HCN1: variants seen among roughly 807,000 people sequenced by gnomAD.
HCN1 encodes hyperpolarization activated cyclic nucleotide gated potassium channel 1, also known as potassium/sodium hyperpolarization-activated cyclic nucleotide-gated channel 1.
HCN1 carries 13 observed loss-of-function variants against 78.9 expected under a neutral mutation model. That is an observed-to-expected ratio of 0.16 (90% CI 0.11 to 0.26). The LOEUF (loss-of-function observed/expected upper bound fraction) is 0.26. Among genes scored for constraint, HCN1 ranks in the 10% least tolerant of loss-of-function variants. The probability of loss-of-function intolerance (pLI) is 1.00; values close to 1 mark genes in which losing one functional copy is unlikely to be tolerated. For missense variants in HCN1, 810 were observed against 1,154.3 expected (o/e 0.70, Z 4.32); for synonymous variants, 552 against 455.5 (o/e 1.21, Z -2.70).
Position 45,289,195 on chromosome 5 carries a change from A to T in HCN1, c.1618+14404T>A, listed in dbSNP as rs10055044. ...AAAAATATGACTTAGAAACTGAAAG[A>T]TTTTTAAATTGCTTCCAAATGTATA... On this transcript the variant is annotated intron_variant, in intron 6 of 7. Coordinates refer to ENST00000303230, the MANE Select transcript of HCN1 (RefSeq NM_021072.4). Among the ~76,000 whole-genome samples the T allele has an allele frequency of 5.5e-3, 832 of 152,192 alleles. 9 individuals carry two copies. The highest frequency in any genetic ancestry group is 0.018 in the African/African-American group (748 of 41,542).
At chr5:45,350,282 T>C (rs977722661) in intron 5 of HCN1, among the ~76,000 whole-genome samples, 1 of 152,176 alleles carries the variant, frequency 6.6e-6, no homozygotes, top group Non-Finnish European at 1.5e-5. Flanking sequence ...ACTACATGAT[T>C]ATCTCAATAG....
intron 1 of HCN1, among the ~76,000 whole-genome samples, chr5:45,690,993 C>A (rs1374001202): frequency 6.6e-6 from 1 of 152,030 alleles, no homozygotes; most frequent in Admixed American, 6.6e-5. Flanking sequence ...ATACTAAATG[C>A]ATTCTGCTGG....
At chr5:45,283,884 G>A (rs142114725) in intron 6 of HCN1, among the ~76,000 whole-genome samples, 1,528 of 152,138 alleles carry the variant, frequency 0.01, 23 homozygotes, top group African/African-American at 0.034. Flanking sequence ...AAAATGTGGA[G>A]TCAACTTAAA....
chr5:45,450,591 A>C (rs1740897221), intron 3 of HCN1, among the ~76,000 whole-genome samples: 1 of 152,218 alleles, frequency 6.6e-6, no homozygotes, highest in Non-Finnish European at 1.5e-5. Context: ...AGATACCACA[A>C]AACTGCTAGA....
At chr5:45,410,308 T>C (rs1739999547) in intron 3 of HCN1, among the ~76,000 whole-genome samples, 1 of 152,000 alleles carries the variant, frequency 6.6e-6, no homozygotes, top group Non-Finnish European at 1.5e-5. Context: ...GCAGATATAG[T>C]GCTTGCAAAT....
At chr5:45,339,568 GA>G (rs1746532404) in intron 5 of HCN1, among the ~76,000 whole-genome samples, 1 of 152,140 alleles carries the variant, frequency 6.6e-6, no homozygotes, top group African/African-American at 2.4e-5. Context: ...TCCCTGAAGG[GA>G]ATAAGAGGTC....
chr5:45,390,071 G>A (rs1409752892), intron 4 of HCN1, among the ~76,000 whole-genome samples: 2 of 152,088 alleles, frequency 1.3e-5, no homozygotes, highest in African/African-American at 2.4e-5. Flanking sequence ...CAGGGCCTTT[G>A]CACACTTTGT....
chr5:45,372,723 A>C (rs973510769), intron 4 of HCN1, among the ~76,000 whole-genome samples: 1 of 143,474 alleles, frequency 7.0e-6, no homozygotes, highest in East Asian at 2.1e-4. Flanking sequence ...ATAAAAATAT[A>C]TACGTATTTA....
intron 2 of HCN1, among the ~76,000 whole-genome samples, chr5:45,543,751 C>T (rs1318378488): frequency 6.6e-6 from 1 of 152,038 alleles, no homozygotes; most frequent in Non-Finnish European, 1.5e-5. Context: ...AAAATCTAAA[C>T]ACAGGAACAT....
chr5:45,592,836 T>C (rs1394734160), intron 2 of HCN1, among the ~76,000 whole-genome samples: 4 of 152,124 alleles, frequency 2.6e-5, no homozygotes, highest in Non-Finnish European at 4.4e-5. Flanking sequence ...AACCAAACCA[T>C]TGAAGATTTA....
At chr5:45,518,499 C>A (rs1278466373) in intron 2 of HCN1, among the ~76,000 whole-genome samples, 1 of 151,848 alleles carries the variant, frequency 6.6e-6, no homozygotes, top group East Asian at 1.9e-4. Flanking sequence ...GTAAGATAAG[C>A]AGAAATTGGA....
chr5:45,605,008 G>T (rs374864036), intron 2 of HCN1, among the ~76,000 whole-genome samples: 3 of 151,838 alleles, frequency 2.0e-5, no homozygotes, highest in African/African-American at 7.3e-5. Flanking sequence ...ATATTTTCAG[G>T]TATATTACCT....
At chr5:45,631,029 G>A (rs771182336) in intron 2 of HCN1, among the ~76,000 whole-genome samples, 1 of 152,100 alleles carries the variant, frequency 6.6e-6, no homozygotes, top group Non-Finnish European at 1.5e-5. Flanking sequence ...TCATTAGCTA[G>A]CTAGATGGTT....
rs962247899 is a variant in HCN1 at position 45,445,787 on chromosome 5, T to C, written c.1011+16059A>G. On this transcript the variant is annotated intron_variant, in intron 3 of 7. Coordinates refer to ENST00000303230, the MANE Select transcript of HCN1 (RefSeq NM_021072.4). ...ATACCCAGGCAAACAGGGTCTGGAG[T>C]GGCCCTCTAGCAAACTCCAACAGAC... 1.2e-4 allele frequency among the ~76,000 whole-genome samples: 19 copies of C among 152,234 alleles called. 1 individual carries two copies. Among genetic ancestry groups the C allele is most frequent in the Non-Finnish European group, 1.8e-4 (12 of 68,028 alleles).
intron 1 of HCN1, among the ~76,000 whole-genome samples, chr5:45,658,924 G>C (rs369934281): frequency 6.4e-5 from 9 of 140,512 alleles, no homozygotes; most frequent in Admixed American, 3.6e-4. Flanking sequence ...CAAAGCAGCC[G>C]GGAAGCTCGA....
chr5:45,687,233 G>A (rs1288245586), intron 1 of HCN1, among the ~76,000 whole-genome samples: 1 of 151,956 alleles, frequency 6.6e-6, no homozygotes, highest in Non-Finnish European at 1.5e-5. Context: ...AATGATCCTT[G>A]GACAGTCTTT....
intron 5 of HCN1, among the ~76,000 whole-genome samples, chr5:45,321,032 C>T (rs1020032017): frequency 6.6e-6 from 1 of 151,758 alleles, no homozygotes; most frequent in African/African-American, 2.4e-5. Flanking sequence ...CTGGGGGATT[C>T]ATGTCTTACA....
intron 6 of HCN1, among the ~76,000 whole-genome samples, chr5:45,274,214 C>T (rs1745010143): frequency 6.6e-6 from 1 of 152,142 alleles, no homozygotes; most frequent in African/African-American, 2.4e-5. Context: ...CATTTCAACT[C>T]ACATAGATAC....
intron 2 of HCN1, among the ~76,000 whole-genome samples, chr5:45,488,581 T>C (rs1369387177): frequency 2.6e-5 from 4 of 152,096 alleles, no homozygotes; most frequent in Admixed American, 2.0e-4. Context: ...ATAAAATATA[T>C]TGAAATGCTC....
Sources: gnomAD v4.1 joint callset for allele counts (sites outside exome capture counted in the v4.1 genomes callset) on GRCh38, gnomAD v4.1.1 for gene constraint, MANE v1.5 for transcripts, NCBI Gene and HGNC (gene_info 2026-07-23, HGNC 2026-07-21) for gene names.